The following PCDH15 variants were observed in gnomAD, a reference collection of about 807,000 sequenced individuals.
PCDH15 encodes protocadherin-15.
PCDH15 carries 129 observed loss-of-function variants against 178.5 expected under a neutral mutation model. The ratio of observed to expected loss-of-function variants is 0.72; its 90% CI spans 0.63 to 0.84. PCDH15 has a LOEUF of 0.84. Ranked by LOEUF, PCDH15 falls within the 40% of genes least tolerant of loss-of-function variation. The probability of loss-of-function intolerance (pLI) is 0.00; values close to 1 mark genes in which losing one functional copy is unlikely to be tolerated. For missense variants in PCDH15, 2,230 were observed against 2,099.9 expected (o/e 1.06, Z -1.21); for synonymous variants, 800 against 732.0 (o/e 1.09, Z -1.50).
intron 2 of PCDH15, among the ~76,000 whole-genome samples, chr10:55,009,712 A>G (rs1291040083): frequency 2.0e-5 from 3 of 152,184 alleles, no homozygotes; most frequent in Non-Finnish European, 4.4e-5. Context: ...ACTAAGCATG[A>G]AAAGAAATCT....
At chr10:54,087,697 A>G (rs2094536511) in intron 16 of PCDH15, among the ~76,000 whole-genome samples, 1 of 152,168 alleles carries the variant, frequency 6.6e-6, no homozygotes, top group South Asian at 2.1e-4. Context: ...AATTCTGTTT[A>G]CCATTTGGAG....
intron 2 of PCDH15, among the ~76,000 whole-genome samples, chr10:55,487,410 T>A (rs934291642): frequency 3.3e-5 from 5 of 151,688 alleles, no homozygotes; most frequent in African/African-American, 9.7e-5. Flanking sequence ...TCTAAAACTC[T>A]CGCACATCCA....
chr10:54,802,694 T>G (rs1050167055), upstream of PCDH15, among the ~76,000 whole-genome samples: 1 of 152,224 alleles, frequency 6.6e-6, no homozygotes. Context: ...ATGTCTCACC[T>G]GTGGAGCAAT....
intron 2 of PCDH15, among the ~76,000 whole-genome samples, chr10:54,983,790 C>G (rs762938856): frequency 2.1e-4 from 32 of 152,222 alleles, no homozygotes; most frequent in Non-Finnish European, 3.8e-4. Flanking sequence ...TTCCTTGGGG[C>G]TCTGTTTGGC....
At chr10:55,559,478 G>A (rs554479761) in intron 2 of PCDH15, among the ~76,000 whole-genome samples, 5 of 151,896 alleles carry the variant, frequency 3.3e-5, no homozygotes, top group Admixed American at 1.3e-4. Context: ...GGCTAGCTGC[G>A]GAATATTAGC....
At chr10:54,234,604 T>G (rs568824426) in intron 9 of PCDH15, among the ~76,000 whole-genome samples, 1 of 152,234 alleles carries the variant, frequency 6.6e-6, no homozygotes, top group South Asian at 2.1e-4. Context: ...GCTAAATAAC[T>G]TAAATAAAAT....
chr10:55,048,871 T>A (rs1841082349), intron 2 of PCDH15, among the ~76,000 whole-genome samples: 1 of 151,970 alleles, frequency 6.6e-6, no homozygotes, highest in Non-Finnish European at 1.5e-5. Flanking sequence ...AAGCAAGATC[T>A]TAGAGGTTAT....
intron 2 of PCDH15, among the ~76,000 whole-genome samples, chr10:55,472,729 C>T (rs922213853): frequency 2.0e-5 from 3 of 152,018 alleles, no homozygotes; most frequent in South Asian, 2.1e-4. Context: ...CCACCACGCC[C>T]GGCTAATTTT....
intron 13 of PCDH15, among the ~76,000 whole-genome samples, chr10:54,167,824 T>TCTTATCTCTGC (rs2046406715): frequency 1.2e-4 from 3 of 25,980 alleles, no homozygotes; most frequent in African/African-American, 2.1e-4. Context: ...CTTATTTCCA[T>TCTTATCTCTGC]GCCCCAACCC....
chr10:55,111,287 T>A (rs1022708350), intron 2 of PCDH15, among the ~76,000 whole-genome samples: 12 of 152,182 alleles, frequency 7.9e-5, no homozygotes, highest in African/African-American at 2.4e-4. Context: ...ATAATTTACA[T>A]CTAGTCTAAT....
intron 2 of PCDH15, among the ~76,000 whole-genome samples, chr10:54,988,222 A>G (rs570307404): frequency 6.6e-6 from 1 of 152,144 alleles, no homozygotes; most frequent in South Asian, 2.1e-4. Context: ...CTTGGTCTAT[A>G]TGTCTGTTTT....
intron 1 of PCDH15, among the ~76,000 whole-genome samples, chr10:55,310,066 T>C (rs1051895943): frequency 9.2e-5 from 14 of 152,208 alleles, no homozygotes; most frequent in African/African-American, 3.4e-4. Flanking sequence ...TTTTCCTTTT[T>C]GGAGCTTACA....
At chr10:55,306,896 ATCT>A (rs1241607607) in intron 1 of PCDH15, among the ~76,000 whole-genome samples, 1 of 152,160 alleles carries the variant, frequency 6.6e-6, no homozygotes, top group African/African-American at 2.4e-5. Context: ...GGAAAAATAC[ATCT>A]TCTTGAAGAC....
intron 2 of PCDH15, among the ~76,000 whole-genome samples, chr10:55,103,696 A>G (rs551332030): frequency 6.6e-6 from 1 of 152,064 alleles, no homozygotes; most frequent in East Asian, 1.9e-4. Flanking sequence ...AGTTCTTTCC[A>G]TATAGTGCCA....
chr10:54,577,536 G>GA (rs555712846), intron 2 of PCDH15, among the ~76,000 whole-genome samples: 12 of 148,890 alleles, frequency 8.1e-5, no homozygotes, highest in Admixed American at 2.0e-4. Flanking sequence ...TACAAAAAAG[G>GA]AAAAAAAAAT....
Position 55,554,205 on chromosome 10 carries a change from T to C in PCDH15, c.-156+73420A>G, listed in dbSNP as rs1564451150. Among the ~76,000 whole-genome samples the C allele has an allele frequency of 2.0e-5, 3 of 152,220 alleles. No homozygotes were observed. The South Asian group carries it at 6.2e-4, about 32-fold the overall frequency. Reference sequence around the variant, plus strand: ...TACATTCTCCAGTGCCACATTTGCATTAGGAAGCTGCAACATTTTCTAGTC... The same window carrying C: ...TACATTCTCCAGTGCCACATTTGCACTAGGAAGCTGCAACATTTTCTAGTC... On this transcript the variant is annotated intron_variant, in intron 2 of 5. Coordinates refer to the PCDH15 transcript ENST00000613346.
intron 6 of PCDH15, among the ~76,000 whole-genome samples, chr10:54,344,903 G>GC (rs1554915114): frequency 0.18 from 1,631 of 8,946 alleles, 42 homozygotes; most frequent in African/African-American, 0.34. Flanking sequence ...GAGAAACAAA[G>GC]CAAAAAAAAA....
At chr10:54,296,465 A>G (rs1327462289) in intron 8 of PCDH15, among the ~76,000 whole-genome samples, 2 of 152,128 alleles carry the variant, frequency 1.3e-5, no homozygotes, top group African/African-American at 4.8e-5. Context: ...CTGGGTCCTC[A>G]TGCCTGTCAG....
chr10:54,200,269 C>CTTTTTTTT (rs11377394), intron 10 of PCDH15, among the ~76,000 whole-genome samples: 58 of 106,070 alleles, frequency 5.5e-4, no homozygotes, highest in South Asian at 6.7e-4. Context: ...ACAGAGCCCA[C>CTTTTTTTT]TTTTTTTTTT....
Sources: allele counts gnomAD v4.1 joint callset (sites outside exome capture counted in the v4.1 genomes callset), GRCh38; gene constraint gnomAD v4.1.1; transcripts MANE v1.5; gene names NCBI Gene and HGNC (gene_info 2026-07-23, HGNC 2026-07-21).